Variants in DST observed in about 807,000 individuals in gnomAD.
DST encodes dystonin, also known as bullous pemphigoid antigen.
DST carries 253 observed loss-of-function variants against 875.2 expected under a neutral mutation model. The observed-to-expected ratio is 0.29, with a 90% confidence interval of 0.26 to 0.32. The LOEUF (loss-of-function observed/expected upper bound fraction) is 0.32. Ranked by LOEUF, DST falls within the 10% of genes least tolerant of loss-of-function variation. DST has a pLI of 1.00. For synonymous variants in DST, 3,124 were observed against 3,197.1 expected (o/e 0.98, Z 0.77); for missense variants, 8,287 against 9,111.6 (o/e 0.91, Z 3.68).
intron 4 of DST, among the ~76,000 whole-genome samples, chr6:56,823,496 C>T (rs539761637): frequency 1.8e-4 from 27 of 152,100 alleles, no homozygotes; most frequent in South Asian, 6.2e-4. Context: ...CTGCAATCTC[C>T]GCCTCCCGGA....
chr6:56,693,463 T>G, intron 9 of DST: 1 of 914,644 alleles, frequency 1.1e-6, no homozygotes, highest in Non-Finnish European at 1.3e-6. Flanking sequence ...ACCCTTAGCT[T>G]CACTGTATGA....
At chr6:56,487,607 G>C (rs2095609234) in intron 86 of DST, among the ~76,000 whole-genome samples, 1 of 152,134 alleles carries the variant, frequency 6.6e-6, no homozygotes, top group Non-Finnish European at 1.5e-5. Flanking sequence ...AACTTACAGA[G>C]GGTTTATGGG....
Position 56,517,549 on chromosome 6 carries a change from G to A in DST, c.18201C>T (p.Asp6067=). Reference sequence around the variant, plus strand: ...AAGTCTGGTCTTGCTCAAGCCTGATGTCACCCAGAGACATCAATTTTTTTT... The same window carrying A: ...AAGTCTGGTCTTGCTCAAGCCTGATATCACCCAGAGACATCAATTTTTTTT... ...ETEKKLMSLG[D]IRLEQDQTSA... is the part of the protein sequence containing the mutation. Residue 6067 remains aspartate (D), a synonymous_variant, in exon 70 of 104, where the codon GAC becomes GAT. Transcript: ENST00000680361. 3 of 1,613,340 alleles carry A rather than the reference G, an allele frequency of 1.9e-6. No individual in the cohort carries two copies. Among genetic ancestry groups the A allele is most frequent in the South Asian group, 2.2e-5 (2 of 90,998 alleles).
chr6:56,525,163 G>A (rs1346670592), intron 69 of DST, among the ~76,000 whole-genome samples: 1 of 152,110 alleles, frequency 6.6e-6, no homozygotes, highest in East Asian at 1.9e-4. Flanking sequence ...ACTCCCAAGA[G>A]TACAGAATAA....
rs186037705 is a variant in DST at position 56,563,135 on chromosome 6, G to T, written c.14006-935C>A. On this transcript the variant is annotated intron_variant, in intron 55 of 103. Coordinates refer to ENST00000680361, the MANE Select transcript of DST (RefSeq NM_001374736.1). The stretch of plus-strand genomic sequence containing the variant: ...GATTGCTGGGTCAAATGGTATTTCT[G>T]GTTCTAGATCCTTGAGGAATTGCCA... 5.9e-3 allele frequency among the ~76,000 whole-genome samples: 891 copies of T among 152,130 alleles called. 6 individuals are homozygous for T. The highest frequency in any genetic ancestry group is 0.02 in the African/African-American group (842 of 41,484).
chr6:56,953,234 G>A (rs1823264627), intron 2 of DST, among the ~76,000 whole-genome samples: 1 of 152,222 alleles, frequency 6.6e-6, no homozygotes, highest in South Asian at 2.1e-4. Flanking sequence ...ACTTGCCCTA[G>A]AGGGATGGTC....
intron 50 of DST, among the ~76,000 whole-genome samples, chr6:56,577,481 C>T (rs1004391962): frequency 3.3e-5 from 5 of 152,136 alleles, no homozygotes; most frequent in Non-Finnish European, 7.4e-5. Context: ...AATATGTTCA[C>T]ATGACTTATA....
intron 3 of DST, among the ~76,000 whole-genome samples, chr6:56,867,423 A>G (rs1591857640): frequency 6.6e-6 from 1 of 152,228 alleles, no homozygotes; most frequent in Admixed American, 6.5e-5. Context: ...TTTCTTTTAC[A>G]GTCTCATTTA....
At chr6:56,834,316 C>T (rs1219231549) in intron 4 of DST, among the ~76,000 whole-genome samples, 1 of 151,906 alleles carries the variant, frequency 6.6e-6, no homozygotes, top group African/African-American at 2.4e-5. Context: ...AAAAAGATAC[C>T]AGCCAGGTGC....
At chr6:56,751,458 A>AT (rs139880002) in intron 4 of DST, among the ~76,000 whole-genome samples, 17,778 of 152,056 alleles carry the variant, frequency 0.12, 1,434 homozygotes, top group Middle Eastern at 0.19. Flanking sequence ...TTTAACAATT[A>AT]TTTTTTTACA....
chr6:56,530,257 T>C (rs1584194028), intron 64 of DST, 124 bp from the exon 65 acceptor site: 6 of 640,060 alleles, frequency 9.4e-6, no homozygotes, highest in Non-Finnish European at 1.4e-5. Flanking sequence ...AGGTTACAAT[T>C]TAAATCTCTT....
At chr6:56,617,840 A>G in intron 36 of DST, 1 of 692,968 alleles carries the variant, frequency 1.4e-6, no homozygotes, top group South Asian at 1.7e-5. Flanking sequence ...AGTTACCAGA[A>G]AGAGTATAGC....
chr6:56,780,339 C>T (rs190788960), intron 4 of DST, among the ~76,000 whole-genome samples: 8 of 152,066 alleles, frequency 5.3e-5, no homozygotes, highest in Admixed American at 5.2e-4. Flanking sequence ...TACAGTCCCA[C>T]CAAGAGTGTA....
intron 80 of DST, among the ~76,000 whole-genome samples, chr6:56,498,377 G>A (rs2152454124): frequency 6.6e-6 from 1 of 152,076 alleles, no homozygotes; most frequent in Non-Finnish European, 1.5e-5. Context: ...GTCTCACTAT[G>A]TTGCCCAGGC....
Position 56,487,151 on chromosome 6 carries a change from A to G in DST, c.21000T>C (p.Ser7000=), listed in dbSNP as rs1487160759. The change falls in exon 87 of 104, where the codon AGT becomes AGC. Residue 7000 remains serine, a synonymous_variant. Transcript: ENST00000680361. ...DDNLKLDDML[S]ELRDKWDTIC... ...TGGTATCCCATTTGTCTCTGAGTTC[A>G]CTCAGCATGTCATCCAGTTTCAGGT... 1 of 1,613,910 alleles carries G rather than the reference A, an allele frequency of 6.2e-7. No homozygotes were observed. Among genetic ancestry groups the G allele is most frequent in the East Asian group, 2.2e-5 (1 of 44,868 alleles).
chr6:56,717,823 C>T lies in DST; in HGVS notation c.688-13454G>A, dbSNP rs537590016. Among the ~76,000 whole-genome samples, 202 of 152,314 alleles carry T rather than the reference C, an allele frequency of 1.3e-3. 3 individuals are homozygous for T. Among genetic ancestry groups the T allele is most frequent in the Admixed American group, 0.013 (202 of 15,304 alleles). ...ACTGCCTCTCTTCCCCCAAGCTATC[C>T]TTGAAAACCCCAAGCCTCTGAATTC... On this transcript the variant is annotated intron_variant, in intron 5 of 103. Transcript: ENST00000680361.
intron 36 of DST, chr6:56,616,644 T>A: frequency 1.2e-6 from 2 of 1,614,188 alleles, no homozygotes; most frequent in Middle Eastern, 1.6e-4. Context: ...ATGGCATTAT[T>A]CAACAACCCC....
At chr6:56,729,389 G>A (rs1445725680) in intron 5 of DST, among the ~76,000 whole-genome samples, 2 of 152,084 alleles carry the variant, frequency 1.3e-5, no homozygotes, top group Non-Finnish European at 2.9e-5. Context: ...TTAGGAGTTC[G>A]AGACCAGCCT....
At chr6:56,576,663 G>T (rs1031465827) in intron 50 of DST, among the ~76,000 whole-genome samples, 2 of 152,062 alleles carry the variant, frequency 1.3e-5, no homozygotes, top group African/African-American at 4.8e-5. Context: ...AAAGAATCAG[G>T]TTTCCTCTCT....
Sources: gnomAD v4.1 joint callset for allele counts (sites outside exome capture counted in the v4.1 genomes callset) on GRCh38, gnomAD v4.1.1 for gene constraint, MANE v1.5 for transcripts, NCBI Gene and HGNC (gene_info 2026-07-23, HGNC 2026-07-21) for gene names.